PCDHGA2: variants seen among roughly 807,000 people sequenced by gnomAD.
PCDHGA2 encodes protocadherin gamma-A2.
In PCDHGA2, 40 loss-of-function variants were observed where a neutral mutation model predicts 59.2. The observed-to-expected ratio is 0.68, with a 90% CI of 0.52 to 0.88. The LOEUF is 0.88. PCDHGA2 is among the 40% of genes least tolerant of loss of function. PCDHGA2 has a pLI of 0.00. For synonymous variants in PCDHGA2, 560 were observed against 526.0 expected (o/e 1.06, Z -0.89); for missense variants, 1,226 against 1,204.0 (o/e 1.02, Z -0.27).
chr5:141,427,197 A>C (rs1277186420), intron 1 of PCDHGA2: 4 of 456,762 alleles, frequency 8.8e-6, no homozygotes, highest in Admixed American at 2.3e-5. Context: ...CAAAGACTTA[A>C]TAGACTTCGA....
At chr5:141,500,315 G>C (rs944076867) in intron 2 of PCDHGA2, among the ~76,000 whole-genome samples, 41 of 151,522 alleles carry the variant, frequency 2.7e-4, no homozygotes, top group African/African-American at 9.5e-4. Flanking sequence ...TTCACGCCAT[G>C]CTCCTGCCTC....
intron 1 of PCDHGA2, chr5:141,419,136 A>G: frequency 1.9e-6 from 3 of 1,613,918 alleles, no homozygotes; most frequent in Non-Finnish European, 1.7e-6. Context: ...GCAGCCACAG[A>G]CAGGGGCAAG....
chr5:141,426,173 G>A (rs2096919271), intron 1 of PCDHGA2: 1 of 155,348 alleles, frequency 6.4e-6, no homozygotes, highest in African/African-American at 2.4e-5. Flanking sequence ...TACGGATTGG[G>A]GTGCCCTCAA....
intron 1 of PCDHGA2, chr5:141,408,080 C>G: frequency 7.1e-7 from 1 of 1,412,844 alleles, no homozygotes; most frequent in Non-Finnish European, 9.3e-7. Flanking sequence ...TTTCCCAGCA[C>G]AGCGGATTGC....
At chr5:141,464,279 C>CA (rs373828487) in intron 1 of PCDHGA2, among the ~76,000 whole-genome samples, 31,576 of 137,520 alleles carry the variant, frequency 0.23, 3,494 homozygotes, top group African/African-American at 0.28. Context: ...AAAAAAAAAG[C>CA]AAAAAAAAAA....
intron 1 of PCDHGA2, among the ~76,000 whole-genome samples, chr5:141,447,724 A>T (rs2098549653): frequency 6.6e-6 from 1 of 152,126 alleles, no homozygotes. Flanking sequence ...ATTTTCCAAA[A>T]CTCATTGAAC....
intron 1 of PCDHGA2, chr5:141,418,959 C>A: frequency 6.2e-7 from 1 of 1,613,976 alleles, no homozygotes; most frequent in East Asian, 2.2e-5. Flanking sequence ...GTGGTTGTTG[C>A]CCTCTTCAAA....
intron 1 of PCDHGA2, chr5:141,420,166 A>G: frequency 1.2e-6 from 2 of 1,614,036 alleles, no homozygotes; most frequent in Non-Finnish European, 1.7e-6. Flanking sequence ...ATTTTTTCAC[A>G]TCTGTTGATC....
intron 1 of PCDHGA2, chr5:141,400,135 G>A (rs773410293): frequency 6.2e-7 from 1 of 1,614,074 alleles, no homozygotes; most frequent in Non-Finnish European, 8.5e-7. Flanking sequence ...GGTGCTGCCG[G>A]ATATCACTGA....
At chr5:141,409,936 A>G in intron 1 of PCDHGA2, 2 of 1,613,064 alleles carry the variant, frequency 1.2e-6, no homozygotes, top group Non-Finnish European at 1.7e-6. Context: ...TCGATATGGT[A>G]CCTCGCTCTG....
At chr5:141,405,648 G>T (rs936380418) in intron 1 of PCDHGA2, 5 of 523,616 alleles carry the variant, frequency 9.5e-6, no homozygotes, top group African/African-American at 3.9e-5. Context: ...CTAATTTTTT[G>T]TGTGTTTTTA....
chr5:141,485,109 CTGTT>C lies in PCDHGA2; in HGVS notation c.2425-9695_2425-9692del. ...AGATAGGTGTCTCCAGCTGCTGTGG[CTGTT>C]TGGGGCGGGTCGGCTTCATCCGCGT... On this transcript the variant is annotated intron_variant, in intron 1 of 3. Transcript: ENST00000394576. This position sits in a 1 kb window ranked among gnomAD's most constrained non-coding sequence, Gnocchi z 5.7. 8.1e-7 allele frequency: 1 copy of C among 1,230,964 alleles called. No individual in the cohort carries two copies. Among genetic ancestry groups the C allele is most frequent in the Non-Finnish European group, 1.2e-6 (1 of 850,026 alleles). The allele number at this position is 1,230,964 out of a possible 1,614,324, so 76.3% of individuals were successfully genotyped here.
chr5:141,432,035 G>C lies in PCDHGA2; in HGVS notation c.2425-62772G>C. 6 of 1,614,218 alleles carry C rather than the reference G, an allele frequency of 3.7e-6. No homozygotes were observed. Among genetic ancestry groups the C allele is most frequent in the Non-Finnish European group, 5.1e-6 (6 of 1,180,046 alleles). ...CTACAACATCACAGTGACCGCCACT[G>C]ACCGGGGAACCCCGCCCCTATCCAC... On this transcript the variant is annotated intron_variant, in intron 1 of 3. Coordinates refer to ENST00000394576, the MANE Select transcript of PCDHGA2 (RefSeq NM_018915.4). The surrounding 1 kb of genome is among the most constrained non-coding windows in gnomAD (Gnocchi z 6.0).
rs369886570 is a variant in PCDHGA2 at position 141,487,839 on chromosome 5, G to A, written c.2425-6968G>A. ...GGGGGCGGGTCATGCCTATATCTGAGTAAGAAATGAAAGTAATTGGTGATC... is the reference window on the plus strand; with the variant it reads ...GGGGGCGGGTCATGCCTATATCTGAATAAGAAATGAAAGTAATTGGTGATC... On this transcript the variant is annotated intron_variant, in intron 1 of 3. Transcript: ENST00000394576. The surrounding 1 kb of genome is among the most constrained non-coding windows in gnomAD (Gnocchi z 5.0). The A allele has an allele frequency of 2.7e-6, 3 of 1,103,412 alleles. No homozygotes were observed. Among genetic ancestry groups the A allele is most frequent in the African/African-American group, 1.6e-5 (1 of 63,054 alleles). The allele number at this position is 1,103,412 out of a possible 1,614,324, so 68.4% of individuals were successfully genotyped here.
At position 141,344,909 on chromosome 5, in the gene PCDHGA2, C is replaced by A. The variant is rs267600448; in HGVS notation, c.2424+3514C>A. On this transcript the variant is annotated intron_variant, in intron 1 of 3. Transcript: ENST00000394576. ...TGCCTGGGAAAATCGCTGAGATTTT[C>A]CATCTTAACTCAGTGAGTGGAGAAG... 7 of 1,613,816 alleles carry A rather than the reference C, an allele frequency of 4.3e-6. No individual in the cohort carries two copies. The East Asian group carries it at 1.3e-4, about 31-fold the overall frequency.
chr5:141,505,324 G>A, intron 2 of PCDHGA2, 69 bp from the exon 3 acceptor site: 2 of 1,607,104 alleles, frequency 1.2e-6, no homozygotes, highest in African/African-American at 1.3e-5. Context: ...GGAGCCCTGG[G>A]AGAGGACAGG....
At chr5:141,427,970 C>G in intron 1 of PCDHGA2, 1 of 1,592,510 alleles carries the variant, frequency 6.3e-7, no homozygotes. Context: ...GGGTGCTGTA[C>G]CCCGCGCTGG....
At chr5:141,361,476 T>C (rs1762040373) in intron 1 of PCDHGA2, 1 of 1,613,994 alleles carries the variant, frequency 6.2e-7, no homozygotes, top group Non-Finnish European at 8.5e-7. Context: ...ACGTCAACGA[T>C]AATGCCCCAG....
intron 1 of PCDHGA2, chr5:141,370,507 C>G: frequency 1.2e-6 from 2 of 1,613,920 alleles, no homozygotes; most frequent in Non-Finnish European, 1.7e-6. Context: ...TACGCTATTC[C>G]CGAGGAGCTG....
Sources: gnomAD v4.1 joint callset for allele counts (sites outside exome capture counted in the v4.1 genomes callset) on GRCh38, gnomAD v4.1.1 for gene constraint, Gnocchi (gnomAD v3.1) non-coding constraint, MANE v1.5 for transcripts, NCBI Gene and HGNC (gene_info 2026-07-23, HGNC 2026-07-21) for gene names.